Variants in TP53BP1 observed in about 807,000 individuals in gnomAD.
TP53BP1 encodes the protein tumor protein p53 binding protein 1, also known as TP53-binding protein 1.
TP53BP1 carries 61 observed loss-of-function variants against 200.8 expected under a neutral mutation model. The observed-to-expected ratio is 0.30, with a 90% confidence interval of 0.25 to 0.38. The LOEUF (loss-of-function observed/expected upper bound fraction) is 0.38, where lower values mean the gene tolerates loss of function less well. TP53BP1 is among the 10% of genes least tolerant of loss of function. The pLI, the probability that TP53BP1 is intolerant of heterozygous loss-of-function variation, is 1.00. For synonymous variants in TP53BP1, 822 were observed against 844.3 expected, an observed-to-expected ratio of 0.97 and a Z score of 0.46; for missense variants, 2,144 against 2,371.9, an observed-to-expected ratio of 0.90 and a Z score of 2.00.
rs376032748 is a variant in TP53BP1 at position 43,486,331 on chromosome 15, A to G, written c.372-5309T>C. On this transcript the variant is annotated intron_variant, in intron 4 of 27. Coordinates refer to ENST00000382044, the MANE Select transcript of TP53BP1 (RefSeq NM_001141980.3). ...GCGGAGGTTGCCGTGAGCCAAGATC[A>G]TGCCATTGCACTCTGCCTGGGCAAC... Among the ~76,000 whole-genome samples the G allele has an allele frequency of 1.3e-4, 20 of 152,172 alleles. 1 individual carries two copies. The highest frequency in any genetic ancestry group is 9.7e-4 in the East Asian group (5 of 5,180).
chr15:43,493,071 C>T lies in TP53BP1; in HGVS notation c.-28G>A, dbSNP rs759446634. 6.2e-7 allele frequency: 1 copy of T among 1,612,568 alleles called. No homozygotes were observed. Among genetic ancestry groups the T allele is most frequent in the Non-Finnish European group, 8.5e-7 (1 of 1,179,592 alleles). The stretch of plus-strand genomic sequence containing the variant: ...CGGCGGGAGGTCCCTCGCGCTCGAG[C>T]TAGAGGTCTCTGCACGCTCCCCAAG... On this transcript the variant is annotated 5_prime_UTR_variant, in exon 1 of 28. Coordinates refer to ENST00000382044, the MANE Select transcript of TP53BP1 (RefSeq NM_001141980.3).
At position 43,456,982 on chromosome 15, in the gene TP53BP1, A is replaced by G. The variant is rs1187702138; in HGVS notation, c.1626T>C (p.Asp542=). 18 of 1,614,082 alleles carry G rather than the reference A, an allele frequency of 1.1e-5. No homozygotes were observed. The highest frequency in any genetic ancestry group is 1.5e-5 in the Non-Finnish European group (18 of 1,180,046). The stretch of plus-strand genomic sequence containing the variant: ...CAATCTGTGTGTTTTCTCCATCTTC[A>G]TCAATTCTGTGAGAACTCAAGCTCT... ...KMESLSSHRI[D]EDGENTQIED... The change falls in exon 12 of 28, where the codon GAT becomes GAC. Residue 542 remains aspartate, a synonymous_variant. Coordinates refer to ENST00000382044, the MANE Select transcript of TP53BP1 (RefSeq NM_001141980.3).
chr15:43,418,431 G>A (rs920893421), intron 21 of TP53BP1, among the ~76,000 whole-genome samples: 5 of 151,484 alleles, frequency 3.3e-5, no homozygotes, highest in Admixed American at 3.3e-4. Flanking sequence ...GAACCCAGGA[G>A]GCAGAGGTTG....
chr15:43,420,292 CT>C lies in TP53BP1; in HGVS notation c.4681+12del. 1 of 1,607,978 alleles carries C rather than the reference CT, an allele frequency of 6.2e-7. No individual in the cohort carries two copies. Among genetic ancestry groups the C allele is most frequent in the Non-Finnish European group, 8.5e-7 (1 of 1,175,710 alleles). ...CACAAAAAAATCTCTACAAACTCTGCTTCTTTCATTACCTGCACTGAAATAC... is the reference window on the plus strand; with the variant it reads ...CACAAAAAAATCTCTACAAACTCTGCTCTTTCATTACCTGCACTGAAATAC... On this transcript the variant is annotated intron_variant, in intron 21 of 27. Coordinates refer to ENST00000382044, the MANE Select transcript of TP53BP1 (RefSeq NM_001141980.3).
At chr15:43,483,580 T>C (rs2247734) in intron 4 of TP53BP1, among the ~76,000 whole-genome samples, 5,332 of 152,254 alleles carry the variant, frequency 0.035, 301 homozygotes, top group African/African-American at 0.12. Context: ...TAAGCGTAAC[T>C]GTAATAAACA....
At chr15:43,444,963 T>C (rs2046008655) in intron 14 of TP53BP1, among the ~76,000 whole-genome samples, 1 of 152,160 alleles carries the variant, frequency 6.6e-6, no homozygotes, top group Non-Finnish European at 1.5e-5. Context: ...GGTGATGACC[T>C]TGAGCAGCAG....
chr15:43,456,683 G>A lies in TP53BP1; in HGVS notation c.1925C>T (p.Ala642Val). 6.2e-7 allele frequency: 1 copy of A among 1,614,114 alleles called. No individual in the cohort carries two copies. Among genetic ancestry groups the A allele is most frequent in the South Asian group, 1.1e-5 (1 of 91,076 alleles). ...AVPSPATRSE[A>V]LSSVLDQEEA... ...CTCCTGATCTAACACACTAGAAAGT[G>A]CCTCAGATCGAGTAGCTGGTGACGG... The change falls in exon 12 of 28, where the codon GCA (alanine) becomes GTA (valine). Residue 642 changes from alanine to valine, a missense_variant. Transcript: ENST00000382044.
chr15:43,418,260 G>C (rs1164039470), intron 21 of TP53BP1, among the ~76,000 whole-genome samples: 1 of 151,846 alleles, frequency 6.6e-6, no homozygotes, highest in Non-Finnish European at 1.5e-5. Context: ...CACTTTGGGA[G>C]GCTGAGGCAG....
Position 43,407,331 on chromosome 15 carries a change from A to AAAAC in TP53BP1, c.*48_*51dup. ...CACAAGACACATTTAAAACCTGGTT[A>AAAAC]AAACACAATCTCCACGATAGCAGGG... On this transcript the variant is annotated 3_prime_UTR_variant, in exon 28 of 28. Coordinates refer to ENST00000382044, the MANE Select transcript of TP53BP1 (RefSeq NM_001141980.3). 1.3e-6 allele frequency: 2 copies of AAAAC among 1,550,014 alleles called. No individual in the cohort carries two copies. The highest frequency in any genetic ancestry group is 1.4e-5 in the African/African-American group (1 of 73,882).
intron 11 of TP53BP1, among the ~76,000 whole-genome samples, chr15:43,458,336 G>A (rs1453214929): frequency 1.3e-5 from 2 of 152,002 alleles, no homozygotes; most frequent in Non-Finnish European, 2.9e-5. Context: ...CAAGGCTGAG[G>A]CAGGAGAATC....
chr15:43,472,918 A>G lies in TP53BP1; in HGVS notation c.1180+1755T>C, dbSNP rs1025772377. The stretch of plus-strand genomic sequence containing the variant: ...AATGAAGCCGCGGACCCTCACGGTG[A>G]GAGTTACAGCTCTTAAGGTGGCGCG... On this transcript the variant is annotated intron_variant, in intron 10 of 27. Coordinates refer to ENST00000382044, the MANE Select transcript of TP53BP1 (RefSeq NM_001141980.3). Among the ~76,000 whole-genome samples the G allele has an allele frequency of 7.9e-5, 12 of 152,294 alleles. No homozygotes were observed. In the South Asian group the frequency reaches 2.5e-3, roughly 32 times the overall value.
At chr15:43,508,211 T>C (rs1014839535) in intron 1 of TP53BP1, among the ~76,000 whole-genome samples, 6 of 152,032 alleles carry the variant, frequency 3.9e-5, no homozygotes, top group African/African-American at 1.2e-4. Flanking sequence ...ACTACAAAAA[T>C]TAGCTGGGCA....
rs774687315 is a variant in TP53BP1 at position 43,456,080 on chromosome 15, A to G, written c.2528T>C (p.Val843Ala). The change falls in exon 12 of 28, where the codon GTG (valine) becomes GCG (alanine). Residue 843 changes from valine (V) to alanine (A), a missense_variant. Around this residue, in one of 4 missense-constraint regions of TP53BP1, gnomAD observed 1,700 missense variants for 1,710.3 expected, o/e 0.99. Coordinates refer to ENST00000382044, the MANE Select transcript of TP53BP1 (RefSeq NM_001141980.3). ...QDSSQPSLPL[V>A]RADDPLRLDQ... Reference sequence around the variant, plus strand: ...AAGTCTTAAAGGATCATCTGCTCTCACTAAAGGTAAGGAAGGCTGTGAAGA... The same window carrying G: ...AAGTCTTAAAGGATCATCTGCTCTCGCTAAAGGTAAGGAAGGCTGTGAAGA... 6.2e-7 allele frequency: 1 copy of G among 1,614,044 alleles called. No individual in the cohort carries two copies. The highest frequency in any genetic ancestry group is 8.5e-7 in the Non-Finnish European group (1 of 1,180,026).
chr15:43,422,013 T>C lies in TP53BP1; in HGVS notation c.3942A>G (p.Ala1314=). ...LGDISSFSSK[A]SSLHRTSSGT... ...CACTTGATGTGCGGTGTAAGCTGGA[T>C]GCCTTGGAGGAGAAGGAGCTGATAT... The change falls in exon 19 of 28, where the codon GCA becomes GCG. Residue 1314 remains alanine (A), a synonymous_variant. Coordinates refer to ENST00000382044, the MANE Select transcript of TP53BP1 (RefSeq NM_001141980.3). The C allele has an allele frequency of 6.2e-7, 1 of 1,614,218 alleles. No individual in the cohort carries two copies. The highest frequency in any genetic ancestry group is 8.5e-7 in the Non-Finnish European group (1 of 1,180,036).
At position 43,407,567 on chromosome 15, in the gene TP53BP1, A is replaced by T; in HGVS notation, c.5750T>A (p.Ile1917Asn). The T allele has an allele frequency of 6.2e-7, 1 of 1,610,218 alleles. No individual in the cohort carries two copies. The highest frequency in any genetic ancestry group is 8.5e-7 in the Non-Finnish European group (1 of 1,177,412). ...QHHSSAHNKD[I>N]ALGVFDVVVT... The stretch of plus-strand genomic sequence containing the variant: ...CACCACATCAAATACCCCTAAAGCA[A>T]TATCTGCAAGGAGCAAGGGAAAGTG... The change falls in exon 28 of 28, where the codon ATT becomes AAT. Residue 1917 changes from isoleucine (I) to asparagine (N), a missense_variant. Coordinates refer to ENST00000382044, the MANE Select transcript of TP53BP1 (RefSeq NM_001141980.3).
chr15:43,413,234 G>A lies in TP53BP1; in HGVS notation c.5190C>T (p.Asn1730=), dbSNP rs1166823630. ...LEEQRGPLPL[N]KTLFLGYAFL... The stretch of plus-strand genomic sequence containing the variant: ...ATGCGTAGCCCAGAAACAAGGTCTT[G>A]TTGAGAGGCAAAGGCCCTCTCTGCT... The change falls in exon 24 of 28, where the codon AAC becomes AAT. Residue 1730 remains asparagine (N), a synonymous_variant. Transcript: ENST00000382044. 12 of 1,614,204 alleles carry A rather than the reference G, an allele frequency of 7.4e-6. No homozygotes were observed. The East Asian group carries it at 2.7e-4, about 36-fold the overall frequency.
At chr15:43,497,908 A>G (rs1377038848), upstream of TP53BP1, among the ~76,000 whole-genome samples, 1 of 152,246 alleles carries the variant, frequency 6.6e-6, no homozygotes, top group East Asian at 1.9e-4. Context: ...TTACTACAGT[A>G]ACAAAAGTTT....
At chr15:43,472,971 G>A (rs2046764000) in intron 10 of TP53BP1, among the ~76,000 whole-genome samples, 2 of 152,208 alleles carry the variant, frequency 1.3e-5, no homozygotes, top group South Asian at 4.2e-4. Context: ...CTGATGTTCA[G>A]ATGTGTTCGG....
At chr15:43,474,240 C>A (rs377316885) in intron 10 of TP53BP1, among the ~76,000 whole-genome samples, 8 of 152,200 alleles carry the variant, frequency 5.3e-5, no homozygotes, top group African/African-American at 1.9e-4. Flanking sequence ...CGCACAGCCC[C>A]GGTTGCTGCT....
Sources: gnomAD v4.1 joint callset for allele counts (sites outside exome capture counted in the v4.1 genomes callset) on GRCh38, gnomAD v4.1.1 for gene constraint, gnomAD v4.1.1 regional missense constraint, MANE v1.5 for transcripts, NCBI Gene and HGNC (gene_info 2026-07-23, HGNC 2026-07-21) for gene names.